Variants in ADTRP observed in about 807,000 individuals in gnomAD.
ADTRP encodes the protein androgen dependent TFPI regulating protein, also known as androgen-dependent TFPI-regulating protein.
In ADTRP, 20 loss-of-function variants were observed where a neutral mutation model predicts 27.0. The observed-to-expected ratio is 0.74, with a 90% CI of 0.52 to 1.08. The LOEUF is 1.08. Among genes scored for constraint, ADTRP ranks in the 50% least tolerant of loss-of-function variants. The probability of loss-of-function intolerance (pLI) is 0.00; values close to 1 mark genes in which losing one functional copy is unlikely to be tolerated. For missense variants in ADTRP, 251 were observed against 275.0 expected (o/e 0.91, Z 0.62); for synonymous variants, 101 against 105.2 (o/e 0.96, Z 0.25).
chr6:11,739,249 G>A (rs1457429356), intron 3 of ADTRP, among the ~76,000 whole-genome samples: 1 of 152,020 alleles, frequency 6.6e-6, no homozygotes, highest in East Asian at 1.9e-4. Context: ...TCTCAGAGGG[G>A]GTAAAATATT....
chr6:11,756,133 T>C (rs961382321), intron 3 of ADTRP, among the ~76,000 whole-genome samples: 5 of 152,100 alleles, frequency 3.3e-5, no homozygotes, highest in Non-Finnish European at 5.9e-5. Context: ...TCCCAACACT[T>C]TGTTAGGCTG....
chr6:11,718,946 C>T (rs945748501), intron 5 of ADTRP, among the ~76,000 whole-genome samples: 4 of 152,242 alleles, frequency 2.6e-5, no homozygotes, highest in African/African-American at 9.6e-5. Context: ...CCTCATCATA[C>T]ACTTTCCAAT....
At chr6:11,754,524 A>C (rs899888013) in intron 3 of ADTRP, among the ~76,000 whole-genome samples, 1 of 152,210 alleles carries the variant, frequency 6.6e-6, no homozygotes, top group African/African-American at 2.4e-5. Flanking sequence ...CGTGTAATAC[A>C]TGGGCAAGTG....
intron 1 of ADTRP, 29 bp downstream of exon 1, chr6:11,778,578 C>A: frequency 6.2e-7 from 1 of 1,600,982 alleles, no homozygotes; most frequent in South Asian, 1.1e-5. Flanking sequence ...AGAAATGGAT[C>A]GGTTCCTGGT....
intron 1 of ADTRP, among the ~76,000 whole-genome samples, chr6:11,778,290 G>A (rs1764024504): frequency 6.6e-6 from 1 of 152,172 alleles, no homozygotes; most frequent in African/African-American, 2.4e-5. Flanking sequence ...TCCTGCATTT[G>A]TAGTTAATCC....
At chr6:11,746,409 TAA>T (rs904031816) in intron 3 of ADTRP, among the ~76,000 whole-genome samples, 2 of 152,140 alleles carry the variant, frequency 1.3e-5, no homozygotes, top group Non-Finnish European at 2.9e-5. Context: ...TTAGAATCCA[TAA>T]GTCTTTGTGG....
chr6:11,775,207 C>A (rs1013930059), intron 1 of ADTRP, among the ~76,000 whole-genome samples: 1 of 152,078 alleles, frequency 6.6e-6, no homozygotes, highest in Non-Finnish European at 1.5e-5. Context: ...AGTGAGGAGA[C>A]TGATGTTCTA....
At chr6:11,717,554 C>A in intron 5 of ADTRP, 2 of 1,004,726 alleles carry the variant, frequency 2.0e-6, no homozygotes, top group Admixed American at 4.1e-5. Context: ...ACCTATGTAT[C>A]TACAACCACA....
At chr6:11,719,710 CA>C (rs1761952170) in intron 5 of ADTRP, among the ~76,000 whole-genome samples, 1 of 152,192 alleles carries the variant, frequency 6.6e-6, no homozygotes, top group Non-Finnish European at 1.5e-5. Flanking sequence ...GAGATTCCAA[CA>C]GATTCTAGCC....
chr6:11,723,400 A>C lies in ADTRP; in HGVS notation c.607T>G (p.Phe203Val). Reference protein sequence around the residue: ...LAAFFSLSYVFIASIYLLGEK... With the variant: ...LAAFFSLSYVVIASIYLLGEK... ...CCAAGTAGGTAGATGCTGGCGATGA[A>C]GACGTAGCTGAGAGAGAAGAAAGCT... is the stretch of plus-strand genomic sequence containing the variant. Residue 203 changes from phenylalanine (F) to valine (V), a missense_variant, in exon 5 of 6, where the codon TTC (phenylalanine) becomes GTC (valine). Coordinates refer to ENST00000414691, the MANE Select transcript of ADTRP (RefSeq NM_032744.4). 2 of 1,614,164 alleles carry C rather than the reference A, an allele frequency of 1.2e-6. No individual in the cohort carries two copies. Among genetic ancestry groups the C allele is most frequent in the African/African-American group, 2.7e-5 (2 of 75,030 alleles).
At chr6:11,728,186 G>A in intron 4 of ADTRP, 1 of 152,276 alleles carries the variant, frequency 6.6e-6, no homozygotes, top group Non-Finnish European at 1.5e-5. Flanking sequence ...TTCTGTCATT[G>A]TCTACCAACT....
intron 5 of ADTRP, among the ~76,000 whole-genome samples, chr6:11,719,530 T>C (rs1761943772): frequency 6.6e-6 from 1 of 152,154 alleles, no homozygotes; most frequent in African/African-American, 2.4e-5. Context: ...AGTGTTTCTG[T>C]GATGTAAAAA....
chr6:11,731,835 G>A (rs210893), intron 4 of ADTRP, among the ~76,000 whole-genome samples: 2,142 of 152,152 alleles, frequency 0.014, 50 homozygotes, highest in Admixed American at 0.048. Context: ...CACTTATTAA[G>A]GATAAACCCC....
At chr6:11,718,867 T>C (rs987104462) in intron 5 of ADTRP, among the ~76,000 whole-genome samples, 3 of 152,226 alleles carry the variant, frequency 2.0e-5, no homozygotes, top group African/African-American at 7.2e-5. Flanking sequence ...GACCTTCCTG[T>C]GGGCCATGAC....
intron 3 of ADTRP, among the ~76,000 whole-genome samples, chr6:11,760,065 C>T (rs1183891114): frequency 6.6e-6 from 1 of 152,140 alleles, no homozygotes; most frequent in Non-Finnish European, 1.5e-5. Context: ...AACTTCTGAC[C>T]TCCAAACGTT....
intron 5 of ADTRP, among the ~76,000 whole-genome samples, chr6:11,718,472 G>A (rs1761905889): frequency 6.6e-6 from 1 of 152,214 alleles, no homozygotes; most frequent in Admixed American, 6.5e-5. Flanking sequence ...AAGCACATAA[G>A]GGGCAGAGAA....
At chr6:11,716,719 C>CT (rs1554110530) in intron 5 of ADTRP, among the ~76,000 whole-genome samples, 22,593 of 125,298 alleles carry the variant, frequency 0.18, 4,080 homozygotes, top group East Asian at 0.63. Flanking sequence ...TTTTCTTTTT[C>CT]TTTTTTTTTT....
chr6:11,764,680 C>T lies in ADTRP; in HGVS notation c.390+1594G>A, dbSNP rs143426852. ...CTGGACTTACTGCAGCAAAAGGCAA[C>T]GAAGGGTGCATTAGCCTCGGATTTC... On this transcript the variant is annotated intron_variant, in intron 3 of 5. Transcript: ENST00000414691. 8.0e-3 allele frequency among the ~76,000 whole-genome samples: 1,210 copies of T among 152,046 alleles called. 19 individuals are homozygous for T. The highest frequency in any genetic ancestry group is 0.027 in the African/African-American group (1,129 of 41,458).
At chr6:11,755,417 A>G (rs527694380) in intron 3 of ADTRP, among the ~76,000 whole-genome samples, 1 of 152,238 alleles carries the variant, frequency 6.6e-6, no homozygotes, top group African/African-American at 2.4e-5. Flanking sequence ...TGCTTTCATC[A>G]TCCTGGTCCC....
Sources: allele counts gnomAD v4.1 joint callset (sites outside exome capture counted in the v4.1 genomes callset), GRCh38; gene constraint gnomAD v4.1.1; transcripts MANE v1.5; gene names NCBI Gene and HGNC (gene_info 2026-07-23, HGNC 2026-07-21).